DGKD: variants seen among roughly 807,000 people sequenced by gnomAD.
The protein encoded by DGKD is diacylglycerol kinase delta, also known as DAG kinase delta.
A neutral mutation model predicts 154.4 loss-of-function variants in DGKD; 68 were observed. The ratio of observed to expected loss-of-function variants is 0.44; its 90% CI spans 0.36 to 0.54. The LOEUF is 0.54. DGKD is among the 20% of genes least tolerant of loss of function. DGKD has a pLI of 0.00. For missense variants in DGKD, 1,343 were observed against 1,593.6 expected (o/e 0.84, Z 2.68); for synonymous variants, 693 against 638.0 (o/e 1.09, Z -1.30).
intron 3 of DGKD, among the ~76,000 whole-genome samples, chr2:233,404,329 A>T (rs1559508965): frequency 1.3e-5 from 2 of 152,176 alleles, no homozygotes; most frequent in Non-Finnish European, 2.9e-5. Flanking sequence ...GTTGGAGATA[A>T]TGCTAGAATG....
intron 1 of DGKD, among the ~76,000 whole-genome samples, chr2:233,361,314 T>C (rs1701771752): frequency 6.6e-6 from 1 of 152,172 alleles, no homozygotes; most frequent in South Asian, 2.1e-4. Context: ...GTAATCCCAG[T>C]GTACTAGTGT....
chr2:233,398,232 T>A (rs911179416), intron 3 of DGKD, among the ~76,000 whole-genome samples: 1 of 151,622 alleles, frequency 6.6e-6, no homozygotes, highest in African/African-American at 2.4e-5. Flanking sequence ...AAGCTCCGCC[T>A]CCCGGGTTCA....
chr2:233,451,559 ACT>A (rs2124880637), intron 17 of DGKD, among the ~76,000 whole-genome samples: 1 of 146,962 alleles, frequency 6.8e-6, no homozygotes, highest in Admixed American at 6.8e-5. Flanking sequence ...ATGAAAACTG[ACT>A]CTATAAGCCT....
chr2:233,469,278 C>A, intron 29 of DGKD, 93 bp from the exon 30 acceptor site: 1 of 1,103,870 alleles, frequency 9.1e-7, no homozygotes, highest in Non-Finnish European at 1.3e-6. Flanking sequence ...GTTCACAAGC[C>A]GAATGGGAAG....
chr2:233,430,920 T>G (rs1302293376), intron 3 of DGKD, among the ~76,000 whole-genome samples: 1 of 152,198 alleles, frequency 6.6e-6, no homozygotes, highest in Non-Finnish European at 1.5e-5. Context: ...ATTAAGCAGC[T>G]TTTTACTTGC....
At chr2:233,464,345 C>T (rs2063763040) in intron 27 of DGKD, 62 bp downstream of exon 27, 12 of 1,592,438 alleles carry the variant, frequency 7.5e-6, no homozygotes, top group Admixed American at 3.4e-5. Flanking sequence ...CCTGAAGTGC[C>T]TGTGTTCCTT....
At chr2:233,387,043 C>G (rs991062381) in intron 1 of DGKD, among the ~76,000 whole-genome samples, 1 of 152,200 alleles carries the variant, frequency 6.6e-6, no homozygotes, top group Non-Finnish European at 1.5e-5. Flanking sequence ...CTTCCCTGTT[C>G]CACTGTCTCT....
intron 3 of DGKD, among the ~76,000 whole-genome samples, chr2:233,432,486 C>T (rs896133558): frequency 2.6e-5 from 4 of 152,154 alleles, no homozygotes; most frequent in Admixed American, 1.3e-4. Flanking sequence ...AGTGAAACCT[C>T]GTCTCTACTA....
Position 233,462,331 on chromosome 2 carries a change from C to T in DGKD, c.2982-17C>T. On this transcript the variant is annotated splice_polypyrimidine_tract_variant and intron_variant, in intron 24 of 29. Transcript: ENST00000264057. The stretch of plus-strand genomic sequence containing the variant: ...CCATTTGGCCTGACATCTGCCCGTG[C>T]TTCTCTTCCTCTCTAGTATCCGAGA... 5 of 1,585,410 alleles carry T rather than the reference C, an allele frequency of 3.2e-6. No homozygotes were observed. Among genetic ancestry groups the T allele is most frequent in the Non-Finnish European group, 3.5e-6 (4 of 1,157,236 alleles).
intron 3 of DGKD, among the ~76,000 whole-genome samples, chr2:233,427,299 T>A (rs1401142155): frequency 6.6e-6 from 1 of 151,798 alleles, no homozygotes; most frequent in African/African-American, 2.4e-5. Context: ...CCCTGGGATG[T>A]CATTCATTTG....
chr2:233,413,699 T>C (rs1440763799), intron 3 of DGKD, among the ~76,000 whole-genome samples: 1 of 152,178 alleles, frequency 6.6e-6, no homozygotes, highest in Non-Finnish European at 1.5e-5. Context: ...GACCGTGTCG[T>C]CACTGTGCTG....
intron 1 of DGKD, among the ~76,000 whole-genome samples, chr2:233,368,371 GCAT>G (rs1309769973): frequency 6.6e-6 from 1 of 151,992 alleles, no homozygotes; most frequent in Non-Finnish European, 1.5e-5. Flanking sequence ...AATTAGCTGG[GCAT>G]CGTGGTGGAC....
At position 233,469,488 on chromosome 2, in the gene DGKD, A is replaced by G; in HGVS notation, c.*28A>G. ...TCTGTCCTCTCAGCCTGTGGCCTCC[A>G]CATCCCCGCCGCCGAGGCCTAGCCT... On this transcript the variant is annotated 3_prime_UTR_variant, in exon 30 of 30. Coordinates refer to ENST00000264057, the MANE Select transcript of DGKD (RefSeq NM_152879.3). 1 of 1,559,794 alleles carries G rather than the reference A, an allele frequency of 6.4e-7. No homozygotes were observed. Among genetic ancestry groups the G allele is most frequent in the East Asian group, 2.4e-5 (1 of 42,522 alleles).
At chr2:233,394,691 CTTTTTTTTTTTTT>C (rs1162430401) in intron 3 of DGKD, among the ~76,000 whole-genome samples, 361 of 26,348 alleles carry the variant, frequency 0.014, 5 homozygotes, top group Non-Finnish European at 0.019. Context: ...ATTTAATTCC[CTTTTTTTTTTTTT>C]TTTTTTTTTT....
chr2:233,361,092 G>A (rs898561410), intron 1 of DGKD, among the ~76,000 whole-genome samples: 2 of 151,942 alleles, frequency 1.3e-5, no homozygotes, highest in South Asian at 4.1e-4. Flanking sequence ...CAAAACATGG[G>A]AGCCAAGAGG....
At chr2:233,460,908 A>C (rs6750618) in intron 24 of DGKD, among the ~76,000 whole-genome samples, 23,235 of 151,602 alleles carry the variant, frequency 0.15, 2,530 homozygotes, top group African/African-American at 0.31. Flanking sequence ...AAACAAAACA[A>C]AACAAAAAAA....
At chr2:233,367,828 T>G (rs1011403194) in intron 1 of DGKD, among the ~76,000 whole-genome samples, 1 of 149,616 alleles carries the variant, frequency 6.7e-6, no homozygotes, top group Non-Finnish European at 1.5e-5. Context: ...GATTTCTAGG[T>G]CTTTTCTTCC....
At chr2:233,419,003 T>A (rs2062033528) in intron 3 of DGKD, among the ~76,000 whole-genome samples, 1 of 152,176 alleles carries the variant, frequency 6.6e-6, no homozygotes, top group African/African-American at 2.4e-5. Flanking sequence ...TCTACGCACA[T>A]CCCAGCTGCT....
At chr2:233,418,107 T>C (rs1029061241) in intron 3 of DGKD, among the ~76,000 whole-genome samples, 2 of 152,266 alleles carry the variant, frequency 1.3e-5, no homozygotes, top group Non-Finnish European at 1.5e-5. Context: ...TTAAAACTTA[T>C]TACTTCATGA....
Sources: gnomAD v4.1 joint callset for allele counts (sites outside exome capture counted in the v4.1 genomes callset) on GRCh38, gnomAD v4.1.1 for gene constraint, MANE v1.5 for transcripts, NCBI Gene and HGNC (gene_info 2026-07-23, HGNC 2026-07-21) for gene names.